MRPL37: variants seen among roughly 807,000 people sequenced by gnomAD.
The protein encoded by MRPL37 is mitochondrial ribosomal protein L37, also known as large ribosomal subunit protein mL37.
MRPL37 carries 34 observed loss-of-function variants against 44.1 expected under a neutral mutation model. That is an observed-to-expected ratio of 0.77 (90% CI 0.59 to 1.03). The LOEUF is 1.03. Among genes scored for constraint, MRPL37 ranks in the 50% least tolerant of loss-of-function variants. MRPL37 has a pLI of 0.00. For synonymous variants in MRPL37, 212 were observed against 219.5 expected (o/e 0.97, Z 0.30); for missense variants, 532 against 543.7 (o/e 0.98, Z 0.21).
At chr1:54,201,524 G>T (rs1290378493) in intron 1 of MRPL37, among the ~76,000 whole-genome samples, 3 of 152,190 alleles carry the variant, frequency 2.0e-5, no homozygotes, top group African/African-American at 4.8e-5. Flanking sequence ...TATTTTAGAC[G>T]TTAAGATTAC....
chr1:54,202,546 C>T (rs780073512), intron 1 of MRPL37, among the ~76,000 whole-genome samples: 11 of 152,068 alleles, frequency 7.2e-5, no homozygotes, highest in Non-Finnish European at 8.8e-5. Context: ...TGCTCTGACA[C>T]TCAGGCTGGA....
intron 6 of MRPL37, among the ~76,000 whole-genome samples, chr1:54,217,074 T>C (rs940539229): frequency 2.0e-5 from 3 of 152,112 alleles, no homozygotes; most frequent in Middle Eastern, 3.2e-3. Context: ...CAGGCAGTAA[T>C]ATGCACCCTG....
downstream of MRPL37, among the ~76,000 whole-genome samples, chr1:54,223,731 A>T (rs1197505027): frequency 6.6e-6 from 1 of 151,720 alleles, no homozygotes; most frequent in African/African-American, 2.4e-5. Flanking sequence ...CTGGCCCCCG[A>T]CTCCGGCACC....
intron 5 of MRPL37, 128 bp from the exon 6 acceptor site, chr1:54,216,013 C>T (rs1435947453): frequency 2.1e-6 from 2 of 971,862 alleles, no homozygotes; most frequent in African/African-American, 1.6e-5. Context: ...TTTAATTGTC[C>T]CAAAGAGAAG....
intron 1 of MRPL37, among the ~76,000 whole-genome samples, chr1:54,203,267 ACCT>A (rs1023143969): frequency 2.0e-5 from 3 of 151,446 alleles, no homozygotes; most frequent in Admixed American, 6.6e-5. Flanking sequence ...TCATCCTCCC[ACCT>A]CCTGAGTTAC....
At chr1:54,225,070 A>G (rs903409608), downstream of MRPL37, 94 of 1,233,020 alleles carry the variant, frequency 7.6e-5, no homozygotes, top group Non-Finnish European at 9.3e-5. Context: ...CCTGGCCGAT[A>G]GCGACTCCCC....
Position 54,200,340 on chromosome 1 carries a change from T to A in MRPL37, c.97T>A (p.Trp33Arg). Residue 33 changes from tryptophan (W) to arginine (R), a missense_variant, in exon 1 of 7, where the codon TGG (tryptophan) becomes AGG (arginine). Transcript: ENST00000360840. ...FGAPRRGAYE[W>R]GVRSTRKSEP... ...GGCCCCGAGACGCGGGGCGTATGAG[T>A]GGGGCGTGCGCTCCACGCGGAAGTC... is the stretch of plus-strand genomic sequence containing the variant. 3 of 1,613,832 alleles carry A rather than the reference T, an allele frequency of 1.9e-6. No individual in the cohort carries two copies. The highest frequency in any genetic ancestry group is 2.5e-6 in the Non-Finnish European group (3 of 1,179,950).
downstream of MRPL37, chr1:54,218,494 A>G: frequency 1.1e-6 from 1 of 901,920 alleles, no homozygotes; most frequent in Non-Finnish European, 1.6e-6. Context: ...CCATGTTGTG[A>G]TCTTAGATAA....
At chr1:54,209,904 C>A in intron 3 of MRPL37, 42 bp from the exon 4 acceptor site, 1 of 1,597,802 alleles carries the variant, frequency 6.3e-7, no homozygotes, top group Non-Finnish European at 8.5e-7. Flanking sequence ...GCTGCGAAAG[C>A]CTTTAGTACC....
intron 1 of MRPL37, among the ~76,000 whole-genome samples, chr1:54,202,141 A>G (rs1472013120): frequency 1.3e-5 from 2 of 151,860 alleles, no homozygotes; most frequent in Non-Finnish European, 2.9e-5. Context: ...AGCTGGGACC[A>G]CAGGCGCATG....
chr1:54,205,557 C>G (rs1557731337), intron 3 of MRPL37, 147 bp downstream of exon 3: 1 of 652,908 alleles, frequency 1.5e-6, no homozygotes, highest in Non-Finnish European at 2.6e-6. Context: ...TCAGACACAC[C>G]CTCAGTATCA....
intron 6 of MRPL37, among the ~76,000 whole-genome samples, chr1:54,217,020 G>A (rs568196983): frequency 3.3e-5 from 5 of 152,290 alleles, no homozygotes; most frequent in Non-Finnish European, 7.3e-5. Context: ...TGCTCTCTGT[G>A]TAGTGGGCAG....
intron 3 of MRPL37, among the ~76,000 whole-genome samples, chr1:54,209,673 A>T (rs1570145619): frequency 6.6e-6 from 1 of 152,008 alleles, no homozygotes; most frequent in African/African-American, 2.4e-5. Context: ...GTTAGCCAGG[A>T]TGGTCTTGAT....
rs34460215 is a variant in MRPL37 at position 54,218,043 on chromosome 1, G to A, written c.1195-129G>A. 3.5e-3 allele frequency: 3,122 copies of A among 880,834 alleles called. 79 individuals carry two copies. In the African/African-American group the frequency reaches 0.045, roughly 13 times the overall value. The allele number at this position is 880,834 out of a possible 1,614,324, so 54.6% of individuals were successfully genotyped here. A position where few individuals can be genotyped will look rare whatever the true frequency, so the allele number is the denominator to read the frequency against. The stretch of plus-strand genomic sequence containing the variant: ...GCCCCTCAATGCCCCTTCTTAGTCC[G>A]AGAGAGAGACGATGTCAGAAAAAGA... On this transcript the variant is annotated intron_variant, in intron 6 of 6. Coordinates refer to ENST00000360840, the MANE Select transcript of MRPL37 (RefSeq NM_016491.4).
intron 3 of MRPL37, 76 bp from the exon 4 acceptor site, chr1:54,209,868 ATT>A (rs1644151584): frequency 6.8e-7 from 1 of 1,467,810 alleles, no homozygotes; most frequent in Non-Finnish European, 9.3e-7. Flanking sequence ...AAGTGCTGGG[ATT>A]ATAGGCATGA....
downstream of MRPL37, among the ~76,000 whole-genome samples, chr1:54,219,686 C>A (rs565376090): frequency 6.6e-6 from 1 of 152,294 alleles, no homozygotes; most frequent in East Asian, 1.9e-4. Context: ...GTCGACCCAC[C>A]CAAGGTGATC....
At chr1:54,225,010 G>A (rs1644266406), downstream of MRPL37, 3 of 1,070,570 alleles carry the variant, frequency 2.8e-6, no homozygotes, top group South Asian at 1.5e-4. Flanking sequence ...GGGGCCTGGG[G>A]TGAAGCCAGT....
At chr1:54,201,095 C>G (rs971738928) in intron 1 of MRPL37, among the ~76,000 whole-genome samples, 15 of 152,188 alleles carry the variant, frequency 9.9e-5, no homozygotes, top group African/African-American at 2.7e-4. Flanking sequence ...ATGACTTTGC[C>G]AAAACCAGCC....
At chr1:54,220,809 A>G, downstream of MRPL37, 2 of 471,052 alleles carry the variant, frequency 4.2e-6, no homozygotes, top group South Asian at 3.1e-5. Flanking sequence ...CATGCTGGAT[A>G]GCGAAACCCC....
Sources: gnomAD v4.1 joint callset for allele counts (sites outside exome capture counted in the v4.1 genomes callset) on GRCh38, gnomAD v4.1.1 for gene constraint, MANE v1.5 for transcripts, NCBI Gene and HGNC (gene_info 2026-07-23, HGNC 2026-07-21) for gene names.